The following USP26 variants were observed in gnomAD, a reference collection of about 807,000 sequenced individuals.
USP26 encodes the protein ubiquitin specific peptidase 26, also known as ubiquitin carboxyl-terminal hydrolase 26.
For synonymous variants in USP26, 236 were observed against 240.6 expected (o/e 0.98, Z 0.18); for missense variants, 649 against 642.3 (o/e 1.01, Z -0.11).
At chrX:133,078,825 T>C (rs1354519721) in intron 5 of USP26, among the ~76,000 whole-genome samples, 1 of 111,990 alleles carries the variant, frequency 8.9e-6, no homozygotes, top group African/African-American at 3.2e-5. Context: ...ACTTTACTAG[T>C]CCAGGTAACT....
chrX:133,092,854 T>C (rs1259619085), intron 1 of USP26, among the ~76,000 whole-genome samples: 1 of 112,017 alleles, frequency 8.9e-6, no homozygotes, highest in East Asian at 2.8e-4. Context: ...TTCAGGTTTC[T>C]AAATTCAATC....
At chrX:133,055,062 C>A (rs2067471021) in intron 5 of USP26, among the ~76,000 whole-genome samples, 1 of 112,129 alleles carries the variant, frequency 8.9e-6, no homozygotes, top group South Asian at 3.7e-4. Flanking sequence ...AAGAATGCAT[C>A]TGAAATTTTC....
chrX:133,055,442 ATGCCATTC>A (rs2067472016), intron 5 of USP26, among the ~76,000 whole-genome samples: 1 of 111,846 alleles, frequency 8.9e-6, no homozygotes, highest in Admixed American at 9.5e-5. Flanking sequence ...ATTACGTGAA[ATGCCATTC>A]TGCTATTAAA....
In USP26 at chrX:133,096,047, A is replaced by ATTTTTTTT. The variant is rs779131148; in HGVS notation, c.-393+975_-393+982dup. The stretch of plus-strand genomic sequence containing the variant: ...GGCATGAGCCACGGCGCCCGGCCTA[A>ATTTTTTTT]TTTTTTTTTTTTTTTTTTTTTTTTT... On this transcript the variant is annotated intron_variant, in intron 1 of 5. Transcript: ENST00000511190. Among the ~76,000 whole-genome samples the ATTTTTTTT allele has an allele frequency of 9.3e-4, 34 of 36,547 alleles. 2 individuals are homozygous for ATTTTTTTT. Among genetic ancestry groups the ATTTTTTTT allele is most frequent in the African/African-American group, 1.3e-3 (11 of 8,170 alleles). The allele number at this position is 36,547 out of a possible 115,157, so 31.7% of individuals were successfully genotyped here. A position where few individuals can be genotyped will look rare whatever the true frequency, so the allele number is the denominator to read the frequency against.
intron 5 of USP26, among the ~76,000 whole-genome samples, chrX:133,078,065 C>T (rs915484471): frequency 1.8e-5 from 2 of 110,578 alleles, no homozygotes; most frequent in African/African-American, 6.6e-5. Flanking sequence ...TCTTGGGCAA[C>T]GGCAGTCAGA....
At chrX:133,069,372 A>T (rs2067523395) in intron 5 of USP26, among the ~76,000 whole-genome samples, 1 of 111,498 alleles carries the variant, frequency 9.0e-6, no homozygotes, top group African/African-American at 3.3e-5. Context: ...TTGTCTACTA[A>T]CATCATGGTT....
At chrX:133,072,386 G>A (rs991896005) in intron 5 of USP26, among the ~76,000 whole-genome samples, 1 of 112,058 alleles carries the variant, frequency 8.9e-6, no homozygotes, top group African/African-American at 3.2e-5. Context: ...ACGCTATCAC[G>A]TATCCTTTAA....
chrX:133,068,513 G>A (rs1003106775), intron 5 of USP26, among the ~76,000 whole-genome samples: 11 of 112,741 alleles, frequency 9.8e-5, no homozygotes, highest in East Asian at 5.5e-4. Context: ...ATTCTAAGAC[G>A]AAGCTCTAAA....
rs963395530 is a variant in USP26, at chrX:133,023,804, C to T, written c.*1675G>A. On this transcript the variant is annotated 3_prime_UTR_variant, in exon 6 of 6. Coordinates refer to ENST00000511190, the MANE Select transcript of USP26 (RefSeq NM_031907.3). ...AATAACTTCCCCACATCACTAAAAT[C>T]CAACTCACCTATTTTAAAGGACCCT... 8.0e-5 allele frequency among the ~76,000 whole-genome samples: 9 copies of T among 111,927 alleles called. No homozygotes were observed. The highest frequency in any genetic ancestry group is 2.9e-4 in the African/African-American group (9 of 30,809).
At chrX:133,028,389 G>T (rs1229486698) in intron 5 of USP26, 93 bp from the exon 6 acceptor site, 1 of 569,291 alleles carries the variant, frequency 1.8e-6, no homozygotes, top group Non-Finnish European at 2.8e-6. Context: ...TCTAGTTCAG[G>T]TTCTAGATAT....
intron 5 of USP26, among the ~76,000 whole-genome samples, chrX:133,068,413 G>A (rs2067519527): frequency 8.9e-6 from 1 of 112,214 alleles, no homozygotes. Flanking sequence ...AAGTTGGAAA[G>A]AGAAAATAAA....
chrX:133,028,972 A>G (rs982977502), intron 5 of USP26, among the ~76,000 whole-genome samples: 4 of 112,545 alleles, frequency 3.6e-5, no homozygotes, highest in Non-Finnish European at 7.5e-5. Flanking sequence ...CTTCTTACCC[A>G]TTAGATATAT....
At chrX:133,050,052 T>C (rs1451611713) in intron 5 of USP26, among the ~76,000 whole-genome samples, 3 of 112,545 alleles carry the variant, frequency 2.7e-5, no homozygotes, top group Non-Finnish European at 5.6e-5. Flanking sequence ...TAGAGCACTC[T>C]TATCTCTGAC....
intron 5 of USP26, among the ~76,000 whole-genome samples, chrX:133,078,122 C>T (rs1051174207): frequency 2.7e-5 from 3 of 110,505 alleles, no homozygotes; most frequent in Non-Finnish European, 3.8e-5. Context: ...GCCACTTCCT[C>T]CCTTGCTTGC....
intron 5 of USP26, among the ~76,000 whole-genome samples, chrX:133,044,302 G>A (rs781024384): frequency 4.4e-5 from 5 of 113,509 alleles, no homozygotes; most frequent in African/African-American, 6.4e-5. Context: ...TCAGCCCACC[G>A]CTGCACTGTG....
chrX:133,050,662 T>C (rs2067456155), intron 5 of USP26, among the ~76,000 whole-genome samples: 1 of 111,899 alleles, frequency 8.9e-6, no homozygotes, highest in Admixed American at 9.5e-5. Flanking sequence ...AGAAGCCATG[T>C]TATCTACTTA....
At chrX:133,038,642 G>A (rs780591327) in intron 5 of USP26, among the ~76,000 whole-genome samples, 1 of 111,597 alleles carries the variant, frequency 9.0e-6, no homozygotes, top group East Asian at 2.8e-4. Flanking sequence ...TGTTGTCTCT[G>A]CCAGGTTTTG....
rs1050902285 is a variant in USP26, at chrX:133,052,424, A to G, written c.-76-24128T>C. ...TGAAGAAACACTTTAAAATGCGGGA[A>G]AGGGAGTGAATGTGTTTGTGACTAC... On this transcript the variant is annotated intron_variant, in intron 5 of 5. Coordinates refer to ENST00000511190, the MANE Select transcript of USP26 (RefSeq NM_031907.3). 2.7e-5 allele frequency among the ~76,000 whole-genome samples: 3 copies of G among 112,225 alleles called. No homozygotes were observed. In the Admixed American group the frequency reaches 2.8e-4, roughly 11 times the overall value.
intron 5 of USP26, among the ~76,000 whole-genome samples, chrX:133,042,347 T>G (rs2067422953): frequency 9.0e-6 from 1 of 111,595 alleles, no homozygotes; most frequent in Non-Finnish European, 1.9e-5. Context: ...TGTAGACATA[T>G]GAGGGAATCT....
Sources: gnomAD v4.1 joint callset for allele counts (sites outside exome capture counted in the v4.1 genomes callset) on GRCh38, gnomAD v4.1.1 for gene constraint, MANE v1.5 for transcripts, NCBI Gene and HGNC (gene_info 2026-07-23, HGNC 2026-07-21) for gene names.